ARMC9: variants seen among roughly 807,000 people sequenced by gnomAD.
ARMC9 encodes armadillo repeat containing 9, also known as lisH domain-containing protein ARMC9.
ARMC9 carries 94 observed loss-of-function variants against 107.0 expected under a neutral mutation model. The ratio of observed to expected loss-of-function variants is 0.88; its 90% CI spans 0.74 to 1.04. ARMC9 has a LOEUF of 1.04. Ranked by LOEUF, ARMC9 falls within the 50% of genes least tolerant of loss-of-function variation. The probability of loss-of-function intolerance (pLI) is 0.00; values close to 1 mark genes in which losing one functional copy is unlikely to be tolerated. For synonymous variants in ARMC9, 380 were observed against 396.9 expected (o/e 0.96, Z 0.51); for missense variants, 942 against 1,030.1 (o/e 0.91, Z 1.17).
intron 2 of ARMC9, among the ~76,000 whole-genome samples, chr2:231,206,994 T>A (rs1006322620): frequency 4.6e-5 from 7 of 152,232 alleles, no homozygotes; most frequent in African/African-American, 7.2e-5. Flanking sequence ...TATTCTTTTT[T>A]AAAAAATTTA....
intron 12 of ARMC9, among the ~76,000 whole-genome samples, chr2:231,269,279 C>T (rs1306867279): frequency 6.6e-6 from 1 of 152,056 alleles, no homozygotes; most frequent in South Asian, 2.1e-4. Context: ...ATGGTTTCTT[C>T]CCTCTGTTTT....
chr2:231,261,458 ACT>A (rs1045677846), intron 11 of ARMC9, among the ~76,000 whole-genome samples: 1 of 152,200 alleles, frequency 6.6e-6, no homozygotes, highest in African/African-American at 2.4e-5. Context: ...GCACTGTATC[ACT>A]CTGTCATTCC....
chr2:231,237,000 T>C (rs1336237753), intron 8 of ARMC9, among the ~76,000 whole-genome samples: 1 of 152,232 alleles, frequency 6.6e-6, no homozygotes, highest in Non-Finnish European at 1.5e-5. Flanking sequence ...GACTCTTTAC[T>C]AGCCTTTCTA....
chr2:231,301,383 A>C (rs2125493567), intron 19 of ARMC9, among the ~76,000 whole-genome samples: 1 of 152,280 alleles, frequency 6.6e-6, no homozygotes, highest in Non-Finnish European at 1.5e-5. Context: ...TATTTTTTTA[A>C]TAATAGATTT....
At chr2:231,217,383 A>G (rs2033627868) in intron 5 of ARMC9, among the ~76,000 whole-genome samples, 1 of 152,144 alleles carries the variant, frequency 6.6e-6, no homozygotes, top group Admixed American at 6.5e-5. Context: ...CAGGAGTTTG[A>G]GACCAGCCTG....
At chr2:231,260,329 G>A (rs968627111) in intron 11 of ARMC9, among the ~76,000 whole-genome samples, 2 of 152,112 alleles carry the variant, frequency 1.3e-5, no homozygotes, top group African/African-American at 2.4e-5. Flanking sequence ...AGGGTTTGGG[G>A]GACCTCTTAG....
intron 7 of ARMC9, among the ~76,000 whole-genome samples, chr2:231,234,543 C>T (rs530917912): frequency 2.0e-5 from 3 of 152,266 alleles, no homozygotes; most frequent in Admixed American, 2.0e-4. Context: ...AATACAAAAA[C>T]AGAGAAAAAG....
rs986890583 is a variant in ARMC9, at chr2:231,237,553, C to T, written c.780+2172C>T. 2.0e-5 allele frequency among the ~76,000 whole-genome samples: 3 copies of T among 151,550 alleles called. No homozygotes were observed. The South Asian group carries it at 6.2e-4, about 32-fold the overall frequency. On this transcript the variant is annotated intron_variant, in intron 8 of 24. Coordinates refer to ENST00000611582, the MANE Select transcript of ARMC9 (RefSeq NM_001352754.2). The stretch of plus-strand genomic sequence containing the variant: ...GATAGAGGTTGCTAAATTATTCGTC[C>T]TAAAATATCAACAATGTCTACTCCC...
Position 231,358,731 on chromosome 2 carries a change from C to T in ARMC9, c.2132-2023C>T, listed in dbSNP as rs994556202. Among the ~76,000 whole-genome samples the T allele has an allele frequency of 3.9e-5, 6 of 152,308 alleles. No homozygotes were observed. The South Asian group carries it at 6.2e-4, about 16-fold the overall frequency. On this transcript the variant is annotated intron_variant, in intron 22 of 24. Transcript: ENST00000611582. The surrounding 1 kb of genome is among the most constrained non-coding windows in gnomAD (Gnocchi z 4.5). ...ACTCATGAGGAGGAACCTGTTGGAC[C>T]CTCAAACTGCTTGATCGGTTGAGTG...
In ARMC9 at chr2:231,371,666, G is replaced by A. The variant is rs570716866; in HGVS notation, c.*131G>A. 4.6e-5 allele frequency: 43 copies of A among 942,030 alleles called. No individual in the cohort carries two copies. In the South Asian group the frequency reaches 1.3e-3, roughly 30 times the overall value. 58.4% of individuals were successfully genotyped at this position (942,030 alleles called of 1,614,324 possible). A position where few individuals can be genotyped will look rare whatever the true frequency, so the allele number is the denominator to read the frequency against. ...AGACTCTGGGAGCTGAGGGGAGGCC[G>A]GCTCTCCAGGCAGCACCAGAGCAAG... On this transcript the variant is annotated 3_prime_UTR_variant, in exon 25 of 25. Coordinates refer to ENST00000611582, the MANE Select transcript of ARMC9 (RefSeq NM_001352754.2).
At chr2:231,254,160 A>G (rs1035889915) in intron 9 of ARMC9, among the ~76,000 whole-genome samples, 1 of 152,212 alleles carries the variant, frequency 6.6e-6, no homozygotes, top group South Asian at 2.1e-4. Context: ...CTCTAAATGT[A>G]AAAAATAAAG....
intron 20 of ARMC9, among the ~76,000 whole-genome samples, chr2:231,341,509 G>A (rs999508077): frequency 3.9e-5 from 6 of 152,182 alleles, no homozygotes; most frequent in Non-Finnish European, 7.3e-5. Context: ...TTGCCGTGCC[G>A]ACAAAATCAG....
At chr2:231,349,645 G>A (rs975034882) in intron 21 of ARMC9, among the ~76,000 whole-genome samples, 8 of 152,036 alleles carry the variant, frequency 5.3e-5, no homozygotes, top group Admixed American at 1.3e-4. Flanking sequence ...AACCAGGTGC[G>A]GTAGCGAGTG....
At chr2:231,214,751 T>TC in intron 3 of ARMC9, 80 bp from the exon 4 acceptor site, 2 of 1,396,432 alleles carry the variant, frequency 1.4e-6, no homozygotes, top group Non-Finnish European at 2.0e-6. Context: ...ATATGGGAGA[T>TC]CTGTGGTGTT....
At chr2:231,228,574 C>T (rs1054728729) in intron 7 of ARMC9, among the ~76,000 whole-genome samples, 1 of 152,230 alleles carries the variant, frequency 6.6e-6, no homozygotes, top group South Asian at 2.1e-4. Flanking sequence ...TCTAACCTAG[C>T]CTCTGAAGTC....
intron 3 of ARMC9, among the ~76,000 whole-genome samples, chr2:231,212,286 A>G (rs1237497925): frequency 6.6e-6 from 1 of 152,174 alleles, no homozygotes; most frequent in African/African-American, 2.4e-5. Flanking sequence ...ATAATAGCAG[A>G]TTCTTTTATG....
rs1178937342 is a variant in ARMC9, at chr2:231,302,433, GTTTGTTTTTTTTTT to G, written c.1773+6184_1773+6197del. Among the ~76,000 whole-genome samples, 3 of 96,394 alleles carry G rather than the reference GTTTGTTTTTTTTTT, an allele frequency of 3.1e-5. 1 individual carries two copies. Among genetic ancestry groups the G allele is most frequent in the African/African-American group, 1.1e-4 (3 of 26,504 alleles). 63.2% of individuals were successfully genotyped at this position (96,394 alleles called of 152,430 possible). ...TTTATGAAAAAGTGTAGCATTGTGG[GTTTGTTTTTTTTTT>G]TTTTTTTTTTTTTTTGCCAATCTCT... On this transcript the variant is annotated intron_variant, in intron 19 of 24. Coordinates refer to ENST00000611582, the MANE Select transcript of ARMC9 (RefSeq NM_001352754.2).
intron 17 of ARMC9, among the ~76,000 whole-genome samples, chr2:231,288,000 A>T (rs2040724078): frequency 6.6e-6 from 1 of 152,288 alleles, no homozygotes; most frequent in East Asian, 1.9e-4. Flanking sequence ...ATCGTGTTCC[A>T]CCACTTCCTA....
At chr2:231,232,087 G>A (rs1312882653) in intron 7 of ARMC9, among the ~76,000 whole-genome samples, 4 of 145,246 alleles carry the variant, frequency 2.8e-5, no homozygotes, top group African/African-American at 1.0e-4. Context: ...GTGCAGTGGT[G>A]CAATCTCGGC....
Sources: allele counts gnomAD v4.1 joint callset (sites outside exome capture counted in the v4.1 genomes callset), GRCh38; gene constraint gnomAD v4.1.1; non-coding constraint Gnocchi (gnomAD v3.1); transcripts MANE v1.5; gene names NCBI Gene and HGNC (gene_info 2026-07-23, HGNC 2026-07-21).